DCC: variants seen among roughly 807,000 people sequenced by gnomAD.
The protein encoded by DCC is netrin receptor DCC.
Under a neutral mutation model 172.5 loss-of-function variants are expected in DCC, and 58 were observed. That is an observed-to-expected ratio of 0.34 (90% CI 0.27 to 0.42). The LOEUF is 0.42. Among genes scored for constraint, DCC ranks in the 10% least tolerant of loss-of-function variants. The pLI, the probability that DCC is intolerant of heterozygous loss-of-function variation, is 1.00. For missense variants in DCC, 1,740 were observed against 1,791.0 expected (o/e 0.97, Z 0.51); for synonymous variants, 709 against 644.5 (o/e 1.10, Z -1.52).
intron 5 of DCC, among the ~76,000 whole-genome samples, chr18:52,931,565 A>G (rs2040306949): frequency 6.6e-6 from 1 of 152,108 alleles, no homozygotes; most frequent in African/African-American, 2.4e-5. Context: ...TGCCCTCCTC[A>G]GTAATTTTAC....
chr18:53,232,534 C>T (rs2056138749), intron 12 of DCC, among the ~76,000 whole-genome samples: 1 of 152,154 alleles, frequency 6.6e-6, no homozygotes, highest in South Asian at 2.1e-4. Flanking sequence ...GACTCACATG[C>T]AAGACCTCTT....
intron 21 of DCC, among the ~76,000 whole-genome samples, chr18:53,429,064 TA>T (rs1461838870): frequency 3.3e-4 from 11 of 33,720 alleles, no homozygotes; most frequent in Non-Finnish European, 8.7e-4. Flanking sequence ...TTATATATTT[TA>T]TATATAATAT....
intron 12 of DCC, among the ~76,000 whole-genome samples, chr18:53,260,643 G>A (rs576231234): frequency 1.3e-5 from 2 of 152,220 alleles, no homozygotes; most frequent in African/African-American, 2.4e-5. Context: ...TAGGCTACTC[G>A]GGGGTCAGGG....
chr18:53,192,353 T>A (rs540333536), intron 9 of DCC, among the ~76,000 whole-genome samples: 2 of 152,204 alleles, frequency 1.3e-5, no homozygotes, highest in Non-Finnish European at 2.9e-5. Context: ...GCTCATTTTT[T>A]CAAGTATGGA....
chr18:52,927,573 A>C (rs1433954114), intron 5 of DCC, among the ~76,000 whole-genome samples: 1 of 151,948 alleles, frequency 6.6e-6, no homozygotes, highest in Non-Finnish European at 1.5e-5. Context: ...CTTAGGCCAG[A>C]TGATTAGTCT....
intron 23 of DCC, among the ~76,000 whole-genome samples, chr18:53,451,922 A>G (rs762093859): frequency 2.0e-5 from 3 of 152,114 alleles, no homozygotes; most frequent in African/African-American, 4.8e-5. Flanking sequence ...GGCAGGACAA[A>G]TTTTCTAACC....
At chr18:52,365,040 A>G (rs1170112048) in intron 1 of DCC, among the ~76,000 whole-genome samples, 1 of 152,198 alleles carries the variant, frequency 6.6e-6, no homozygotes, top group African/African-American at 2.4e-5. Flanking sequence ...AGACAAAAAA[A>G]AATAGAAGGA....
intron 1 of DCC, among the ~76,000 whole-genome samples, chr18:52,357,896 C>G (rs1984443301): frequency 6.7e-6 from 1 of 149,818 alleles, no homozygotes; most frequent in African/African-American, 2.5e-5. Context: ...TGAGATCGCG[C>G]CACTGCACTC....
Position 53,173,524 on chromosome 18 carries a change from C to A in DCC, c.1419-5438C>A, listed in dbSNP as rs2055044788. Among the ~76,000 whole-genome samples, 3 of 152,090 alleles carry A rather than the reference C, an allele frequency of 2.0e-5. No homozygotes were observed. The South Asian group carries it at 6.2e-4, about 32-fold the overall frequency. On this transcript the variant is annotated intron_variant, in intron 8 of 28. Transcript: ENST00000442544. The stretch of plus-strand genomic sequence containing the variant: ...TTAAAATTAAAAAAGGCAGGGGTTG[C>A]AATCCTACTCTCTGATAAAACAGAC...
At chr18:52,966,454 CCA>C in intron 5 of DCC, among the ~76,000 whole-genome samples, 1 of 152,150 alleles carries the variant, frequency 6.6e-6, no homozygotes. Context: ...CCTACTTTGT[CCA>C]TCTCTGCTGT....
At chr18:52,633,798 G>A (rs574088260) in intron 1 of DCC, among the ~76,000 whole-genome samples, 86 of 152,276 alleles carry the variant, frequency 5.6e-4, no homozygotes, top group Non-Finnish European at 8.8e-4. Context: ...ATGTTAGAAG[G>A]TATAAGCATA....
At chr18:52,689,581 C>T (rs1284536079) in intron 1 of DCC, among the ~76,000 whole-genome samples, 1 of 152,042 alleles carries the variant, frequency 6.6e-6, no homozygotes, top group Non-Finnish European at 1.5e-5. Context: ...AGCGCAGTGC[C>T]TAGCATGGTA....
At chr18:52,382,828 T>A (rs1985641868) in intron 1 of DCC, among the ~76,000 whole-genome samples, 1 of 152,092 alleles carries the variant, frequency 6.6e-6, no homozygotes, top group Non-Finnish European at 1.5e-5. Flanking sequence ...CCTGTAATAC[T>A]CAGGTGCCTG....
rs574503627 is a variant in DCC, at chr18:52,530,318, G to A, written c.91+189440G>A. 2.6e-5 allele frequency among the ~76,000 whole-genome samples: 4 copies of A among 152,274 alleles called. No individual in the cohort carries two copies. In the East Asian group the frequency reaches 5.8e-4, roughly 22 times the overall value. On this transcript the variant is annotated intron_variant, in intron 1 of 28. Coordinates refer to ENST00000442544, the MANE Select transcript of DCC (RefSeq NM_005215.4). ...TGTATGAGGCTGACAGCAGTTAAGT[G>A]ATTTGTTCAAGTTCATTACAAGAAA...
chr18:52,426,296 ATTT>A lies in DCC; in HGVS notation c.91+85433_91+85435del, dbSNP rs59755014. ...TACTAAAGTCAGCTGTAGTGCCAGA[ATTT>A]TTTTTTTTTTTTTTGGCATCGCTTA... On this transcript the variant is annotated intron_variant, in intron 1 of 28. Transcript: ENST00000442544. Among the ~76,000 whole-genome samples the A allele has an allele frequency of 2.0e-3, 278 of 142,020 alleles. 7 individuals are homozygous for A. The East Asian group carries it at 0.046, about 23-fold the overall frequency. 93.2% of individuals were successfully genotyped at this position (142,020 alleles called of 152,430 possible). A position where few individuals can be genotyped will look rare whatever the true frequency, so the allele number is the denominator to read the frequency against.
rs34406723 is a variant in DCC at position 53,159,008 on chromosome 18, A to AAAAAAAAAAAAAAAAAG, written c.1418+1496_1418+1497insAAAAAAAAAAAAAAAAG. Among the ~76,000 whole-genome samples, 633 of 119,022 alleles carry AAAAAAAAAAAAAAAAAG rather than the reference A, an allele frequency of 5.3e-3. 70 individuals are homozygous for AAAAAAAAAAAAAAAAAG. The highest frequency in any genetic ancestry group is 0.019 in the African/African-American group (588 of 30,516). 78.1% of individuals were successfully genotyped at this position (119,022 alleles called of 152,430 possible). The stretch of plus-strand genomic sequence containing the variant: ...CATCTCAAAAAAAAAAAAAAAAAGA[A>AAAAAAAAAAAAAAAAAG]GAAGATGTAGGCATACCCATATTGC... On this transcript the variant is annotated intron_variant, in intron 8 of 28. Coordinates refer to ENST00000442544, the MANE Select transcript of DCC (RefSeq NM_005215.4).
At chr18:53,494,089 G>A (rs1317104857) in intron 26 of DCC, among the ~76,000 whole-genome samples, 3 of 152,190 alleles carry the variant, frequency 2.0e-5, no homozygotes, top group Admixed American at 6.5e-5. Context: ...TATTTACCCA[G>A]TAGTCATTCA....
chr18:53,277,112 C>T (rs537210693), intron 12 of DCC, among the ~76,000 whole-genome samples: 13 of 152,144 alleles, frequency 8.5e-5, no homozygotes, highest in Non-Finnish European at 1.8e-4. Flanking sequence ...ATAGTACTCT[C>T]AACACATATA....
chr18:53,200,201 C>T (rs190754948), intron 9 of DCC, among the ~76,000 whole-genome samples: 3 of 152,212 alleles, frequency 2.0e-5, no homozygotes, highest in East Asian at 1.9e-4. Flanking sequence ...AATTAAGCTA[C>T]GTAGATATAA....
Sources: gnomAD v4.1 joint callset for allele counts (sites outside exome capture counted in the v4.1 genomes callset) on GRCh38, gnomAD v4.1.1 for gene constraint, MANE v1.5 for transcripts, NCBI Gene and HGNC (gene_info 2026-07-23, HGNC 2026-07-21) for gene names.